DTNA: variants seen among roughly 807,000 people sequenced by gnomAD.
DTNA encodes dystrobrevin alpha, also known as dystrophin-related protein 3.
A neutral mutation model predicts 100.7 loss-of-function variants in DTNA; 43 were observed. That is an observed-to-expected ratio of 0.43 (90% CI 0.33 to 0.55). The LOEUF is 0.55. Ranked by LOEUF, DTNA falls within the 20% of genes least tolerant of loss-of-function variation. The pLI is 0.04. For synonymous variants in DTNA, 349 were observed against 347.9 expected, an observed-to-expected ratio of 1.00 and a Z score of -0.04; for missense variants, 798 against 953.9, an observed-to-expected ratio of 0.84 and a Z score of 2.15.
chr18:34,876,470 A>G (rs536931539), intron 18 of DTNA, among the ~76,000 whole-genome samples: 1 of 152,358 alleles, frequency 6.6e-6, no homozygotes, highest in African/African-American at 2.4e-5. Flanking sequence ...CACCAAAACA[A>G]AAACAGGTGA....
At chr18:34,505,262 T>G (rs1467029820) in intron 1 of DTNA, among the ~76,000 whole-genome samples, 1 of 152,214 alleles carries the variant, frequency 6.6e-6, no homozygotes, top group Non-Finnish European at 1.5e-5. Flanking sequence ...TCATCGTATC[T>G]CCTACTTACT....
At chr18:34,688,864 CT>C (rs1382723654) in intron 1 of DTNA, among the ~76,000 whole-genome samples, 2 of 152,022 alleles carry the variant, frequency 1.3e-5, no homozygotes, top group African/African-American at 4.8e-5. Context: ...TTTCTCTAAT[CT>C]TGTCTTCATG....
At chr18:34,821,436 A>G in intron 9 of DTNA, 1 of 455,314 alleles carries the variant, frequency 2.2e-6, no homozygotes, top group South Asian at 1.6e-5. Flanking sequence ...GTGGCGGGAA[A>G]ATTTATCAGA....
At chr18:34,867,147 C>T (rs2096714705) in intron 17 of DTNA, 1 of 1,231,268 alleles carries the variant, frequency 8.1e-7, no homozygotes, top group African/African-American at 1.6e-5. Flanking sequence ...GAACCACAAC[C>T]TGTCCAATTT....
intron 1 of DTNA, among the ~76,000 whole-genome samples, chr18:34,674,370 CTG>C (rs1455372170): frequency 6.6e-6 from 1 of 152,200 alleles, no homozygotes; most frequent in Non-Finnish European, 1.5e-5. Flanking sequence ...TCATACTGTG[CTG>C]TGTGTCAACA....
In DTNA at chr18:34,888,784, T is replaced by G; in HGVS notation, c.*1050T>G. 2 of 985,878 alleles carry G rather than the reference T, an allele frequency of 2.0e-6. No homozygotes were observed. Among genetic ancestry groups the G allele is most frequent in the Non-Finnish European group, 2.4e-6 (2 of 829,942 alleles). 61.1% of individuals were successfully genotyped at this position (985,878 alleles called of 1,614,324 possible). On this transcript the variant is annotated 3_prime_UTR_variant, in exon 23 of 23. Coordinates refer to ENST00000444659, the MANE Select transcript of DTNA (RefSeq NM_001386795.1). ...TTTAACAGCACCGCTCGTTCACAAG[T>G]TCCCCCATCAAGTTGTTTGGAGGCC...
At position 34,890,215 on chromosome 18, in the gene DTNA, C is replaced by T. The variant is rs1251467655; in HGVS notation, c.*2481C>T. On this transcript the variant is annotated 3_prime_UTR_variant, in exon 23 of 23. Coordinates refer to ENST00000444659, the MANE Select transcript of DTNA (RefSeq NM_001386795.1). ...AACTCCATCACATGGTTGTTGATAT[C>T]GTCATATAAAGCCATTGCAAGGACT... 13 of 1,464,192 alleles carry T rather than the reference C, an allele frequency of 8.9e-6. No individual in the cohort carries two copies. Among genetic ancestry groups the T allele is most frequent in the East Asian group, 5.0e-5 (2 of 40,372 alleles). 90.7% of individuals were successfully genotyped at this position (1,464,192 alleles called of 1,614,324 possible). A position where few individuals can be genotyped will look rare whatever the true frequency, so the allele number is the denominator to read the frequency against.
In DTNA at chr18:34,887,895, A is replaced by G. The variant is rs1242617829; in HGVS notation, c.*161A>G. ...ACCGAAGAGAGGAACCACCACACCC[A>G]GCAGCTCCTGACAGACCCCCACCCC... On this transcript the variant is annotated 3_prime_UTR_variant, in exon 23 of 23. Transcript: ENST00000444659. 2.0e-6 allele frequency: 2 copies of G among 986,842 alleles called. No homozygotes were observed. Among genetic ancestry groups the G allele is most frequent in the Non-Finnish European group, 2.4e-6 (2 of 830,368 alleles). 61.1% of individuals were successfully genotyped at this position (986,842 alleles called of 1,614,324 possible). A position where few individuals can be genotyped will look rare whatever the true frequency, so the allele number is the denominator to read the frequency against.
intron 13 of DTNA, among the ~76,000 whole-genome samples, chr18:34,845,253 G>C (rs1381641733): frequency 6.6e-6 from 1 of 152,102 alleles, no homozygotes; most frequent in Admixed American, 6.5e-5. Context: ...TGTGCACAAA[G>C]GGGTAATATT....
chr18:34,768,138 TATC>T (rs2093584589), intron 3 of DTNA, among the ~76,000 whole-genome samples: 1 of 152,118 alleles, frequency 6.6e-6, no homozygotes, highest in Admixed American at 6.5e-5. Flanking sequence ...CCCACGTTCT[TATC>T]ATGTGTTACC....
intron 1 of DTNA, among the ~76,000 whole-genome samples, chr18:34,600,674 T>C (rs930994995): frequency 6.6e-6 from 1 of 152,202 alleles, no homozygotes; most frequent in Non-Finnish European, 1.5e-5. Context: ...TAGCAATTCT[T>C]CCCAGATGCA....
intron 2 of DTNA, among the ~76,000 whole-genome samples, chr18:34,756,558 A>G (rs8082743): frequency 1 from 151,646 of 152,352 alleles, 75,479 homozygotes; most frequent in Middle Eastern, 1. Context: ...TCATGTAGAA[A>G]AGGAGAATCT....
At chr18:34,552,336 G>A (rs1395740477) in intron 1 of DTNA, among the ~76,000 whole-genome samples, 3 of 151,720 alleles carry the variant, frequency 2.0e-5, no homozygotes, top group South Asian at 2.1e-4. Flanking sequence ...ATGTCATCAC[G>A]GGCCCAGTTG....
chr18:34,864,548 C>T (rs574762547), intron 17 of DTNA, among the ~76,000 whole-genome samples: 2 of 152,344 alleles, frequency 1.3e-5, no homozygotes, highest in Non-Finnish European at 2.9e-5. Flanking sequence ...CCACCGCGCC[C>T]GGCCTAGAAC....
intron 1 of DTNA, among the ~76,000 whole-genome samples, chr18:34,577,639 T>C (rs1244826989): frequency 6.6e-6 from 1 of 152,174 alleles, no homozygotes; most frequent in African/African-American, 2.4e-5. Context: ...TCTTATGCCT[T>C]TGCATCCTCA....
At chr18:34,866,264 C>G in intron 17 of DTNA, 1 of 1,576,054 alleles carries the variant, frequency 6.3e-7, no homozygotes, top group Non-Finnish European at 8.6e-7. Flanking sequence ...TACTAATTTG[C>G]TTCTTTTTCA....
At chr18:34,750,418 C>T (rs142078488) in intron 1 of DTNA, among the ~76,000 whole-genome samples, 38 of 152,300 alleles carry the variant, frequency 2.5e-4, no homozygotes, top group African/African-American at 8.4e-4. Flanking sequence ...TGACCCTTCT[C>T]CATCCTTCTT....
intron 9 of DTNA, among the ~76,000 whole-genome samples, chr18:34,821,805 G>C (rs2095728535): frequency 6.6e-6 from 1 of 152,148 alleles, no homozygotes; most frequent in African/African-American, 2.4e-5. Context: ...TGGGTGACGG[G>C]ACCTACCGGT....
At chr18:34,711,806 A>T (rs998603250) in intron 1 of DTNA, among the ~76,000 whole-genome samples, 1 of 152,192 alleles carries the variant, frequency 6.6e-6, no homozygotes, top group African/African-American at 2.4e-5. Flanking sequence ...ATTCAAAAAA[A>T]TTATTTGCCA....
Sources: gnomAD v4.1 joint callset for allele counts (sites outside exome capture counted in the v4.1 genomes callset) on GRCh38, gnomAD v4.1.1 for gene constraint, MANE v1.5 for transcripts, NCBI Gene and HGNC (gene_info 2026-07-23, HGNC 2026-07-21) for gene names.